LRMDA: variants seen among roughly 807,000 people sequenced by gnomAD.
LRMDA encodes leucine rich melanocyte differentiation associated, also known as leucine-rich melanocyte differentiation-associated protein.
Under a neutral mutation model 29.8 loss-of-function variants are expected in LRMDA, and 18 were observed. The ratio of observed to expected loss-of-function variants is 0.60; its 90% CI spans 0.42 to 0.90. The LOEUF is 0.90. Among genes scored for constraint, LRMDA ranks in the 40% least tolerant of loss-of-function variants. LRMDA has a pLI of 0.00. For missense variants in LRMDA, 273 were observed against 273.9 expected, an observed-to-expected ratio of 1.00 and a Z score of 0.02; for synonymous variants, 125 against 109.4, an observed-to-expected ratio of 1.14 and a Z score of -0.89.
At chr10:76,327,099 T>TG (rs1293970858) in intron 6 of LRMDA, among the ~76,000 whole-genome samples, 121 of 151,152 alleles carry the variant, frequency 8.0e-4, no homozygotes, top group South Asian at 2.5e-3. Context: ...CATCTTTTTT[T>TG]TTTTTTTTTT....
rs571984510 is a variant in LRMDA at position 76,366,726 on chromosome 10, G to A, written c.601+42241G>A. Among the ~76,000 whole-genome samples the A allele has an allele frequency of 3.2e-4, 48 of 152,174 alleles. No homozygotes were observed. In the South Asian group the frequency reaches 9.5e-3, roughly 30 times the overall value. On this transcript the variant is annotated intron_variant, in intron 6 of 6. Coordinates refer to ENST00000611255, the MANE Select transcript of LRMDA (RefSeq NM_001305581.2). ...GTGACAGTTTGACTTCCTCTTTACC[G>A]ATTTGGATGCCCTTTATTTCTTTCT...
At chr10:75,887,482 T>G (rs1459449312) in intron 2 of LRMDA, among the ~76,000 whole-genome samples, 1 of 152,120 alleles carries the variant, frequency 6.6e-6, no homozygotes, top group Non-Finnish European at 1.5e-5. Context: ...CTTAGCAGGC[T>G]TCAGTGTGGT....
intron 2 of LRMDA, among the ~76,000 whole-genome samples, chr10:75,959,961 T>C (rs1185935146): frequency 6.6e-6 from 1 of 152,248 alleles, no homozygotes; most frequent in African/African-American, 2.4e-5. Flanking sequence ...GCTACTCAAG[T>C]GGGACCATCC....
At chr10:75,494,312 A>G (rs1301950986) in intron 2 of LRMDA, among the ~76,000 whole-genome samples, 1 of 152,050 alleles carries the variant, frequency 6.6e-6, no homozygotes, top group Non-Finnish European at 1.5e-5. Context: ...ATCCTTTCTA[A>G]TCTGGGTAGT....
chr10:76,418,119 A>G (rs1014984610), intron 6 of LRMDA, among the ~76,000 whole-genome samples: 5 of 152,122 alleles, frequency 3.3e-5, no homozygotes, highest in African/African-American at 1.2e-4. Context: ...TTGAATCTCC[A>G]TACAAGTTTT....
At chr10:75,816,798 C>A (rs1844069125) in intron 2 of LRMDA, among the ~76,000 whole-genome samples, 2 of 152,164 alleles carry the variant, frequency 1.3e-5, no homozygotes. Flanking sequence ...TTGGGAAGCT[C>A]TCTGGAGGCA....
intron 2 of LRMDA, chr10:75,743,678 G>C (rs1347896851): frequency 6.6e-6 from 1 of 152,158 alleles, no homozygotes; most frequent in Non-Finnish European, 1.5e-5. Context: ...TGTAATGCAA[G>C]AAGGAGAGAT....
rs539442687 is a variant in LRMDA at position 76,476,346 on chromosome 10, C to A, written c.602-80863C>A. Among the ~76,000 whole-genome samples the A allele has an allele frequency of 2.7e-4, 41 of 152,158 alleles. 2 individuals are homozygous for A. In the South Asian group the frequency reaches 7.9e-3, roughly 29 times the overall value. ...GCACATACACACTCCCAAGACTAAA[C>A]CAGGAAGAAGCAAAATCACTTAATA... On this transcript the variant is annotated intron_variant, in intron 6 of 6. Transcript: ENST00000611255.
At chr10:76,160,045 G>A (rs1850615357) in intron 5 of LRMDA, among the ~76,000 whole-genome samples, 1 of 152,118 alleles carries the variant, frequency 6.6e-6, no homozygotes, top group African/African-American at 2.4e-5. Flanking sequence ...ACGATGGGTT[G>A]ATGTAGGTTC....
At chr10:75,613,589 G>A (rs984684248) in intron 2 of LRMDA, among the ~76,000 whole-genome samples, 5 of 152,278 alleles carry the variant, frequency 3.3e-5, no homozygotes, top group Admixed American at 1.3e-4. Context: ...AGGTGTGATT[G>A]CTAATGGTAT....
chr10:75,661,384 G>A (rs948904185), intron 2 of LRMDA, among the ~76,000 whole-genome samples: 2 of 152,180 alleles, frequency 1.3e-5, no homozygotes, highest in Non-Finnish European at 2.9e-5. Context: ...TGCCATGCAC[G>A]TTTATCTGGT....
At chr10:75,994,075 T>C (rs1468620193) in intron 2 of LRMDA, among the ~76,000 whole-genome samples, 2 of 152,244 alleles carry the variant, frequency 1.3e-5, no homozygotes, top group African/African-American at 2.4e-5. Flanking sequence ...TCTTTGTCTG[T>C]CATGAACAGT....
chr10:76,369,755 G>T (rs79383916), intron 6 of LRMDA, among the ~76,000 whole-genome samples: 1 of 152,140 alleles, frequency 6.6e-6, no homozygotes, highest in East Asian at 1.9e-4. Context: ...TGGAGCAGAG[G>T]ACTCCATTTT....
chr10:75,988,099 C>T (rs1003782519), intron 2 of LRMDA, among the ~76,000 whole-genome samples: 3 of 152,228 alleles, frequency 2.0e-5, no homozygotes, highest in African/African-American at 7.2e-5. Flanking sequence ...GGCACGATAG[C>T]TCCTCTTAGG....
At chr10:76,286,855 G>A (rs916834450) in intron 5 of LRMDA, among the ~76,000 whole-genome samples, 5 of 152,108 alleles carry the variant, frequency 3.3e-5, no homozygotes, top group Non-Finnish European at 5.9e-5. Context: ...CCAAATCCTA[G>A]CTTTGCCAGC....
intron 2 of LRMDA, among the ~76,000 whole-genome samples, chr10:75,586,937 C>T (rs1299822682): frequency 6.6e-6 from 1 of 151,898 alleles, no homozygotes; most frequent in African/African-American, 2.4e-5. Context: ...CCTTTTTACT[C>T]TGTTGATTGA....
At chr10:76,503,897 G>A (rs1406443996) in intron 6 of LRMDA, among the ~76,000 whole-genome samples, 1 of 144,052 alleles carries the variant, frequency 6.9e-6, no homozygotes, top group Non-Finnish European at 1.5e-5. Flanking sequence ...TTTTTTTTAA[G>A]TTCCTCTAAG....
intron 2 of LRMDA, among the ~76,000 whole-genome samples, chr10:75,809,336 G>T (rs1429900925): frequency 6.6e-6 from 1 of 152,148 alleles, no homozygotes; most frequent in Non-Finnish European, 1.5e-5. Flanking sequence ...GGGTGAGGAT[G>T]GAGTGGTCAT....
chr10:76,368,818 T>G (rs1190292930), intron 6 of LRMDA, among the ~76,000 whole-genome samples: 2 of 152,212 alleles, frequency 1.3e-5, no homozygotes, highest in Non-Finnish European at 2.9e-5. Context: ...GATTGTGATA[T>G]TTTCCTGTTG....
Sources: gnomAD v4.1 joint callset for allele counts (sites outside exome capture counted in the v4.1 genomes callset) on GRCh38, gnomAD v4.1.1 for gene constraint, MANE v1.5 for transcripts, NCBI Gene and HGNC (gene_info 2026-07-23, HGNC 2026-07-21) for gene names.